RUBCNL: variants seen among roughly 807,000 people sequenced by gnomAD.
RUBCNL encodes the protein protein associated with UVRAG as autophagy enhancer.
RUBCNL carries 62 observed loss-of-function variants against 69.5 expected under a neutral mutation model. The ratio of observed to expected loss-of-function variants is 0.89; its 90% CI spans 0.73 to 1.10. The LOEUF (loss-of-function observed/expected upper bound fraction) is 1.10. Among genes scored for constraint, RUBCNL ranks in the 50% least tolerant of loss-of-function variants. RUBCNL has a pLI of 0.00. For missense variants in RUBCNL, 768 were observed against 798.1 expected (o/e 0.96, Z 0.45); for synonymous variants, 291 against 303.6 (o/e 0.96, Z 0.43).
In RUBCNL at chr13:46,338,529, C is replaced by T. The variant is rs1477664804; in HGVS notation, c.*4856G>A. Among the ~76,000 whole-genome samples, 4 of 152,032 alleles carry T rather than the reference C, an allele frequency of 2.6e-5. No individual in the cohort carries two copies. The highest frequency in any genetic ancestry group is 1.9e-4 in the East Asian group (1 of 5,172). ...CTGTCTGGGGCTCCATTTGATCTAACAGGAGGGGTGGGGGCTTTGGGTGCG... is the reference window on the plus strand; with the variant it reads ...CTGTCTGGGGCTCCATTTGATCTAATAGGAGGGGTGGGGGCTTTGGGTGCG... On this transcript the variant is annotated 3_prime_UTR_variant, in exon 15 of 15. Transcript: ENST00000429979.
At chr13:46,376,718 ATTG>A (rs1403638294) in intron 2 of RUBCNL, among the ~76,000 whole-genome samples, 1 of 152,224 alleles carries the variant, frequency 6.6e-6, no homozygotes, top group Non-Finnish European at 1.5e-5. Context: ...CAGAAATAAC[ATTG>A]TTAACCATTC....
intron 12 of RUBCNL, among the ~76,000 whole-genome samples, chr13:46,348,951 GC>G (rs1456764805): frequency 6.6e-6 from 1 of 152,094 alleles, no homozygotes; most frequent in African/African-American, 2.4e-5. Flanking sequence ...CTCTCTCTTT[GC>G]CTGCCACCAT....
rs1338126080 is a variant in RUBCNL at position 46,340,596 on chromosome 13, T to A, written c.*2789A>T. ...GGAATACCTGAGGCTGGGTGATTTA[T>A]AAAGAAAAGAGGTTAATTTGGCTTA... On this transcript the variant is annotated 3_prime_UTR_variant, in exon 15 of 15. Coordinates refer to ENST00000429979, the MANE Select transcript of RUBCNL (RefSeq NM_025113.5). 6.6e-6 allele frequency among the ~76,000 whole-genome samples: 1 copy of A among 152,178 alleles called. No individual in the cohort carries two copies. The highest frequency in any genetic ancestry group is 1.5e-5 in the Non-Finnish European group (1 of 68,020).
rs796529048 is a variant in RUBCNL at position 46,335,242 on chromosome 13, T to TTTG, written c.*8140_*8142dup. Among the ~76,000 whole-genome samples the TTTG allele has an allele frequency of 9.4e-4, 134 of 142,160 alleles. 1 individual carries two copies. The highest frequency in any genetic ancestry group is 7.0e-3 in the Middle Eastern group (2 of 286). The allele number at this position is 142,160 out of a possible 152,430, so 93.3% of individuals were successfully genotyped here. A position where few individuals can be genotyped will look rare whatever the true frequency, so the allele number is the denominator to read the frequency against. ...ATTGTGCCCAGCTAATTTGTGTCTT[T>TTTG]TTGTTGTTGTTGTTGTTGTTTTTTT... On this transcript the variant is annotated 3_prime_UTR_variant, in exon 15 of 15. Coordinates refer to ENST00000429979, the MANE Select transcript of RUBCNL (RefSeq NM_025113.5).
At chr13:46,388,384 CGAAG>C (rs2049296930), upstream of RUBCNL, among the ~76,000 whole-genome samples, 1 of 100,032 alleles carries the variant, frequency 1.0e-5, no homozygotes, top group Non-Finnish European at 2.2e-5. Context: ...GAAGGAAGGG[CGAAG>C]GAAGGAAGGA....
Position 46,377,928 on chromosome 13 carries a change from A to AGGAGAAAGTAATG in RUBCNL, c.-174_-162dup. The stretch of plus-strand genomic sequence containing the variant: ...TTCTCGAAGAGGCAGATTGACACAG[A>AGGAGAAAGTAATG]GGAGAAAGTAATGATTGGAAACCAT... On this transcript the variant is annotated 5_prime_UTR_variant, in exon 2 of 15. The change abolishes the stop of an existing upstream ORF in the 5' untranslated region. Transcript: ENST00000429979. The AGGAGAAAGTAATG allele has an allele frequency of 6.2e-7, 1 of 1,610,096 alleles. No homozygotes were observed. The highest frequency in any genetic ancestry group is 8.5e-7 in the Non-Finnish European group (1 of 1,178,546).
At chr13:46,360,427 C>T (rs556589065) in intron 8 of RUBCNL, among the ~76,000 whole-genome samples, 3 of 152,280 alleles carry the variant, frequency 2.0e-5, no homozygotes, top group African/African-American at 2.4e-5. Flanking sequence ...TCATTCAAAC[C>T]TTATTTCCAT....
At chr13:46,389,878 T>C (rs1004637882), upstream of RUBCNL, 9 of 152,212 alleles carry the variant, frequency 5.9e-5, no homozygotes, top group African/African-American at 2.2e-4. The surrounding 1 kb of genome is among the most constrained non-coding windows in gnomAD (Gnocchi z 4.2). Flanking sequence ...TCCTGATTGG[T>C]TAATTCTGAG....
intron 2 of RUBCNL, among the ~76,000 whole-genome samples, chr13:46,373,251 T>C (rs1037296213): frequency 3.3e-5 from 5 of 152,268 alleles, no homozygotes; most frequent in East Asian, 1.9e-4. Context: ...TGGGATTACA[T>C]GCATGAGCCA....
chr13:46,388,218 A>AAC (rs1269665206), upstream of RUBCNL, among the ~76,000 whole-genome samples: 1 of 149,376 alleles, frequency 6.7e-6, no homozygotes, highest in Non-Finnish European at 1.5e-5. Flanking sequence ...AAAAAAAAAA[A>AAC]AACAGAAAGG....
At chr13:46,387,381 C>T (rs1000182616), upstream of RUBCNL, 23 of 985,386 alleles carry the variant, frequency 2.3e-5, no homozygotes, top group South Asian at 1.9e-4. Flanking sequence ...CCGCCGCAGG[C>T]ACCGAGACGT....
intron 10 of RUBCNL, among the ~76,000 whole-genome samples, chr13:46,353,679 TCC>T (rs1467196110): frequency 6.6e-6 from 1 of 152,168 alleles, no homozygotes; most frequent in African/African-American, 2.4e-5. Flanking sequence ...AGTTGAGAAA[TCC>T]TGCTCCAAAA....
chr13:46,377,784 C>G, intron 2 of RUBCNL, 106 bp downstream of exon 2: 1 of 564,998 alleles, frequency 1.8e-6, no homozygotes, highest in South Asian at 2.9e-5. Context: ...GTTATAAAAT[C>G]AAAGCATTGA....
upstream of RUBCNL, chr13:46,389,749 A>G (rs936558889): frequency 6.6e-5 from 10 of 152,250 alleles, no homozygotes; most frequent in Admixed American, 5.2e-4. The surrounding 1 kb of genome is among the most constrained non-coding windows in gnomAD (Gnocchi z 4.2). Flanking sequence ...AAGGAGAAAC[A>G]TTCAAGGACA....
chr13:46,349,423 T>A, intron 11 of RUBCNL, 76 bp from the exon 12 acceptor site: 2 of 1,383,176 alleles, frequency 1.4e-6, no homozygotes, highest in South Asian at 2.4e-5. Context: ...CAAATTTAAA[T>A]GTTATTTCTA....
chr13:46,372,429 C>T lies in RUBCNL; in HGVS notation c.47G>A (p.Trp16Ter). Residue 16 changes from tryptophan to a stop codon, truncating the protein, a stop_gained, in exon 3 of 15, where the codon TGG becomes TAG. Transcript: ENST00000429979. LOFTEE classifies it high-confidence loss of function. ...GCCAGAGTGATCGCTGATCCCTTCC[C>T]AGGGCTCCACAGGAGAATCCTGCCT... is the stretch of plus-strand genomic sequence containing the variant. ...TVRQDSPVEP[W>*]EGISDHSGII... 6.2e-7 allele frequency: 1 copy of T among 1,611,536 alleles called. No individual in the cohort carries two copies. Among genetic ancestry groups the T allele is most frequent in the Non-Finnish European group, 8.5e-7 (1 of 1,178,852 alleles).
intron 10 of RUBCNL, among the ~76,000 whole-genome samples, chr13:46,351,654 A>G (rs2048371140): frequency 6.6e-6 from 1 of 152,164 alleles, no homozygotes; most frequent in African/African-American, 2.4e-5. Flanking sequence ...TACACGGAAG[A>G]GCATAGGAAG....
intron 9 of RUBCNL, among the ~76,000 whole-genome samples, chr13:46,356,892 CTT>C (rs767789330): frequency 1.1e-4 from 15 of 135,030 alleles, no homozygotes; most frequent in Admixed American, 1.5e-4. Context: ...GCTTTATTTA[CTT>C]TTTTTTTTTT....
intron 1 of RUBCNL, among the ~76,000 whole-genome samples, chr13:46,386,588 G>A (rs1478247312): frequency 6.6e-6 from 1 of 151,602 alleles, no homozygotes; most frequent in Non-Finnish European, 1.5e-5. Flanking sequence ...GTCCGGCGTG[G>A]CGGGGGGTTG....
Sources: allele counts gnomAD v4.1 joint callset (sites outside exome capture counted in the v4.1 genomes callset), GRCh38; gene constraint gnomAD v4.1.1; non-coding constraint Gnocchi (gnomAD v3.1); transcripts MANE v1.5; gene names NCBI Gene and HGNC (gene_info 2026-07-23, HGNC 2026-07-21).